The following BBX variants were observed in gnomAD, a reference collection of about 807,000 sequenced individuals.
BBX encodes the protein BBX high mobility group box domain containing.
Under a neutral mutation model 100.2 loss-of-function variants are expected in BBX, and 30 were observed. That is an observed-to-expected ratio of 0.30 (90% confidence interval 0.22 to 0.41). The LOEUF (loss-of-function observed/expected upper bound fraction) is 0.41. Ranked by LOEUF, BBX falls within the 10% of genes least tolerant of loss-of-function variation. The pLI is 1.00. For missense variants in BBX, 1,023 were observed against 1,129.8 expected (o/e 0.91, Z 1.35); for synonymous variants, 376 against 388.1 (o/e 0.97, Z 0.37).
At chr3:107,588,682 T>C (rs1006217232) in intron 2 of BBX, among the ~76,000 whole-genome samples, 2 of 152,210 alleles carry the variant, frequency 1.3e-5, no homozygotes, top group Non-Finnish European at 2.9e-5. Context: ...ATTCTGTTCA[T>C]TGATGTTTTT....
At chr3:107,790,402 T>C (rs1163528043) in intron 14 of BBX, among the ~76,000 whole-genome samples, 1 of 152,144 alleles carries the variant, frequency 6.6e-6, no homozygotes. Flanking sequence ...TGCCAGGCTC[T>C]TGTTCCGACC....
intron 16 of BBX, among the ~76,000 whole-genome samples, chr3:107,800,537 C>T (rs758420798): frequency 7.2e-5 from 11 of 152,328 alleles, no homozygotes; most frequent in East Asian, 1.9e-4. Flanking sequence ...TCATCCACCT[C>T]TTTGTAAAGA....
At chr3:107,525,438 G>C (rs144391747) in intron 1 of BBX, 1 of 152,476 alleles carries the variant, frequency 6.6e-6, no homozygotes, top group African/African-American at 2.4e-5. Context: ...CACCCCACTC[G>C]TTGCTCCTCC....
intron 3 of BBX, among the ~76,000 whole-genome samples, chr3:107,697,968 C>T (rs541440835): frequency 5.3e-5 from 8 of 151,886 alleles, no homozygotes; most frequent in Non-Finnish European, 1.0e-4. Context: ...TTCCAGGGGC[C>T]GTCTGTCACC....
intron 2 of BBX, chr3:107,526,696 G>C (rs2047801396): frequency 4.9e-6 from 1 of 202,152 alleles, no homozygotes; most frequent in Admixed American, 6.0e-5. Context: ...GGCATTGAAG[G>C]TCTAGTAAAT....
intron 2 of BBX, among the ~76,000 whole-genome samples, chr3:107,560,665 G>T (rs2050423326): frequency 6.6e-6 from 1 of 152,154 alleles, no homozygotes; most frequent in Non-Finnish European, 1.5e-5. Context: ...ATTATCTAAG[G>T]AAATTCTAAA....
At chr3:107,730,074 A>G (rs2063213478) in intron 6 of BBX, among the ~76,000 whole-genome samples, 1 of 152,092 alleles carries the variant, frequency 6.6e-6, no homozygotes, top group African/African-American at 2.4e-5. Flanking sequence ...GCGACAGAGC[A>G]ACACCCTGCC....
At chr3:107,566,534 C>T (rs1303866240) in intron 2 of BBX, among the ~76,000 whole-genome samples, 1 of 149,856 alleles carries the variant, frequency 6.7e-6, no homozygotes, top group Admixed American at 6.7e-5. Flanking sequence ...TATGAAACTG[C>T]CTCAGGACTG....
chr3:107,726,556 C>A (rs895836518), intron 5 of BBX, among the ~76,000 whole-genome samples: 1 of 151,840 alleles, frequency 6.6e-6, no homozygotes, highest in African/African-American at 2.4e-5. Flanking sequence ...AGAGTGTTGA[C>A]CCTCATAGTA....
chr3:107,739,984 G>T (rs896103692), intron 7 of BBX, among the ~76,000 whole-genome samples: 1 of 152,034 alleles, frequency 6.6e-6, no homozygotes, highest in African/African-American at 2.4e-5. Flanking sequence ...CTTGACTCAT[G>T]GGGTAAAATC....
rs566850357 is a variant in BBX, at chr3:107,633,501, A to G, written c.-83-12335A>G. Among the ~76,000 whole-genome samples the G allele has an allele frequency of 2.6e-5, 4 of 152,360 alleles. No homozygotes were observed. In the East Asian group the frequency reaches 5.8e-4, roughly 22 times the overall value. On this transcript the variant is annotated intron_variant, in intron 2 of 17. Coordinates refer to ENST00000325805, the MANE Select transcript of BBX (RefSeq NM_001142568.3). The stretch of plus-strand genomic sequence containing the variant: ...AGCATATTTGGCGCAGATCAAAGGG[A>G]TAGAGCTGTCATCTCTGGGCATCAT...
intron 3 of BBX, among the ~76,000 whole-genome samples, chr3:107,669,187 G>A (rs1318624012): frequency 1.3e-5 from 2 of 152,114 alleles, no homozygotes; most frequent in Non-Finnish European, 1.5e-5. Flanking sequence ...TATCATTTGA[G>A]ATAATAATAG....
intron 6 of BBX, among the ~76,000 whole-genome samples, chr3:107,730,493 CTTTTT>C (rs370876456): frequency 7.1e-6 from 1 of 141,558 alleles, no homozygotes; most frequent in Admixed American, 7.1e-5. Flanking sequence ...TTGTTGTTGG[CTTTTT>C]TTTTTTTTGC....
At chr3:107,726,573 G>A (rs1488604971) in intron 5 of BBX, among the ~76,000 whole-genome samples, 1 of 151,926 alleles carries the variant, frequency 6.6e-6, no homozygotes, top group Non-Finnish European at 1.5e-5. Flanking sequence ...AGTAAATTCT[G>A]TTATTGTTTT....
intron 3 of BBX, among the ~76,000 whole-genome samples, chr3:107,671,960 A>G (rs1342521868): frequency 6.6e-6 from 1 of 152,110 alleles, no homozygotes; most frequent in Non-Finnish European, 1.5e-5. Flanking sequence ...CAGAAAGATC[A>G]ACATGGTTTA....
At chr3:107,731,711 A>AT (rs35114877) in intron 6 of BBX, among the ~76,000 whole-genome samples, 17 of 149,064 alleles carry the variant, frequency 1.1e-4, no homozygotes, top group South Asian at 4.2e-4. Context: ...TTTTTTTGCA[A>AT]TTTTTTTTTT....
At chr3:107,604,553 G>A (rs1195430285) in intron 2 of BBX, among the ~76,000 whole-genome samples, 1 of 152,096 alleles carries the variant, frequency 6.6e-6, no homozygotes, top group African/African-American at 2.4e-5. Context: ...ATACAGTAAA[G>A]CTGTAACTCC....
intron 9 of BBX, among the ~76,000 whole-genome samples, chr3:107,750,318 GA>G (rs2064980563): frequency 6.6e-6 from 1 of 152,054 alleles, no homozygotes; most frequent in South Asian, 2.1e-4. Flanking sequence ...TTATTAATTT[GA>G]AAACTTATTA....
At chr3:107,696,428 A>G (rs1056815320) in intron 3 of BBX, among the ~76,000 whole-genome samples, 8 of 151,282 alleles carry the variant, frequency 5.3e-5, no homozygotes, top group Admixed American at 4.6e-4. Context: ...GCTTGTCTGT[A>G]AAGTATTTTA....
Sources: gnomAD v4.1 joint callset for allele counts (sites outside exome capture counted in the v4.1 genomes callset) on GRCh38, gnomAD v4.1.1 for gene constraint, MANE v1.5 for transcripts, NCBI Gene and HGNC (gene_info 2026-07-23, HGNC 2026-07-21) for gene names.